PTPRB: variants seen among roughly 807,000 people sequenced by gnomAD.
The protein encoded by PTPRB is protein tyrosine phosphatase receptor type B.
In PTPRB, 97 loss-of-function variants were observed where a neutral mutation model predicts 238.1. The observed-to-expected ratio is 0.41, with a 90% CI of 0.35 to 0.48. The LOEUF is 0.48. Among genes scored for constraint, PTPRB ranks in the 20% least tolerant of loss-of-function variants. The pLI, the probability that PTPRB is intolerant of heterozygous loss-of-function variation, is 0.30. For missense variants in PTPRB, 2,292 were observed against 2,681.9 expected (o/e 0.85, Z 3.21); for synonymous variants, 970 against 995.4 (o/e 0.97, Z 0.48).
chr12:70,588,599 C>CTCCA (rs1471746991), intron 8 of PTPRB, among the ~76,000 whole-genome samples: 3 of 152,072 alleles, frequency 2.0e-5, no homozygotes, highest in Non-Finnish European at 4.4e-5. Flanking sequence ...TGCCATTGCA[C>CTCCA]TCCAGCCTGG....
At chr12:70,630,542 C>T (rs1008657396) in intron 2 of PTPRB, among the ~76,000 whole-genome samples, 17 of 152,230 alleles carry the variant, frequency 1.1e-4, no homozygotes, top group African/African-American at 3.1e-4. Context: ...CACTCCTATT[C>T]GACATAGTGT....
At chr12:70,534,375 G>A in intron 31 of PTPRB, 113 bp downstream of exon 31, 1 of 1,198,182 alleles carries the variant, frequency 8.3e-7, no homozygotes, top group Non-Finnish European at 1.2e-6. Context: ...CAGGCTGGTT[G>A]GTCCAGACAA....
At chr12:70,593,813 C>A (rs560005616) in intron 6 of PTPRB, among the ~76,000 whole-genome samples, 6 of 152,278 alleles carry the variant, frequency 3.9e-5, no homozygotes, top group African/African-American at 1.4e-4. Flanking sequence ...AGATTTAATT[C>A]ACACATTAGA....
At chr12:70,525,910 G>A (rs145603470) in intron 32 of PTPRB, among the ~76,000 whole-genome samples, 2 of 151,882 alleles carry the variant, frequency 1.3e-5, no homozygotes, top group African/African-American at 4.8e-5. Flanking sequence ...AACATCCTTT[G>A]TCTATTAAAG....
intron 14 of PTPRB, among the ~76,000 whole-genome samples, chr12:70,568,662 T>C (rs1370331318): frequency 1.3e-5 from 2 of 152,114 alleles, no homozygotes; most frequent in Non-Finnish European, 2.9e-5. Context: ...GATATAAATA[T>C]AGATATGAAA....
chr12:70,525,555 T>G (rs1300949131), intron 32 of PTPRB: 1 of 151,648 alleles, frequency 6.6e-6, no homozygotes, highest in African/African-American at 2.4e-5. Context: ...TGTTGGCTAT[T>G]TAAGAATTTA....
intron 32 of PTPRB, among the ~76,000 whole-genome samples, chr12:70,526,500 C>T (rs1441227328): frequency 2.0e-5 from 3 of 152,142 alleles, no homozygotes; most frequent in Non-Finnish European, 2.9e-5. Flanking sequence ...GCCACTGTAC[C>T]CAGCCTAGAA....
In PTPRB at chr12:70,520,050, C is replaced by A; in HGVS notation, c.*1439G>T. On this transcript the variant is annotated 3_prime_UTR_variant, in exon 34 of 34. Transcript: ENST00000334414. ...TTTGAAAAGAAATATACTCTTTATG[C>A]AAAGGAAGCTATGCCATCAACAAAC... is the stretch of plus-strand genomic sequence containing the variant. 6.1e-6 allele frequency: 2 copies of A among 325,414 alleles called. No individual in the cohort carries two copies. Among genetic ancestry groups the A allele is most frequent in the South Asian group, 2.5e-5 (1 of 39,588 alleles). 20.2% of individuals were successfully genotyped at this position (325,414 alleles called of 1,614,324 possible). A position where few individuals can be genotyped will look rare whatever the true frequency, so the allele number is the denominator to read the frequency against.
At chr12:70,553,920 G>A (rs77243281) in intron 20 of PTPRB, among the ~76,000 whole-genome samples, 1 of 152,286 alleles carries the variant, frequency 6.6e-6, no homozygotes, top group African/African-American at 2.4e-5. Context: ...TCATCTCCAT[G>A]GACATCAATA....
intron 27 of PTPRB, chr12:70,538,543 C>T (rs1874534946): frequency 1.6e-5 from 7 of 439,626 alleles, no homozygotes. Context: ...AACCTACCTT[C>T]TATTGCTTTA....
rs180962767 is a variant in PTPRB at position 70,559,498 on chromosome 12, G to A, written c.4559C>T (p.Ala1520Val). The A allele has an allele frequency of 6.2e-6, 10 of 1,613,970 alleles. No homozygotes were observed. Among genetic ancestry groups the A allele is most frequent in the African/African-American group, 1.3e-5 (1 of 75,038 alleles). Residue 1520 changes from alanine to valine, a missense_variant, in exon 18 of 34, where the codon GCA (alanine) becomes GTA (valine). Physicochemically the swap from Ala to Val is moderately conservative, Grantham distance 64 (BLOSUM62 0). Around this residue, in one of 4 missense-constraint regions of PTPRB, gnomAD observed 683 missense variants for 862.0 expected, o/e 0.79. Transcript: ENST00000334414. ...GTTGTAGGGGTTGAAGACAGTAAGT[G>A]CATCTCTGGGCAACCACTGCAGCTC... ...DFELQWLPRD[A>V]LTVFNPYNNR... is the part of the protein sequence containing the mutation.
intron 4 of PTPRB, among the ~76,000 whole-genome samples, chr12:70,600,756 C>T (rs1244689514): frequency 6.6e-6 from 1 of 152,150 alleles, no homozygotes; most frequent in Non-Finnish European, 1.5e-5. Flanking sequence ...AGTCCAGTGA[C>T]GTGATCATGG....
intron 10 of PTPRB, among the ~76,000 whole-genome samples, chr12:70,578,507 A>G (rs1881029161): frequency 6.6e-6 from 1 of 152,134 alleles, no homozygotes; most frequent in Non-Finnish European, 1.5e-5. Context: ...ATTTATTCAT[A>G]TTTGATTCTC....
chr12:70,602,044 C>T (rs953755350), intron 4 of PTPRB, among the ~76,000 whole-genome samples: 1 of 152,096 alleles, frequency 6.6e-6, no homozygotes, highest in Non-Finnish European at 1.5e-5. Context: ...ATCTGCCCAC[C>T]TCGGCCTCCC....
rs1217366771 is a variant in PTPRB at position 70,516,488 on chromosome 12, G to C, written c.*5001C>G. Reference sequence around the variant, plus strand: ...AGACTAGGACATTCCACAAAGGCTGGTACAGGCTTTCCTACTAACCTGCAG... The same window carrying C: ...AGACTAGGACATTCCACAAAGGCTGCTACAGGCTTTCCTACTAACCTGCAG... On this transcript the variant is annotated 3_prime_UTR_variant, in exon 34 of 34. Coordinates refer to ENST00000334414, the MANE Select transcript of PTPRB (RefSeq NM_001109754.4). 6.6e-6 allele frequency: 1 copy of C among 152,158 alleles called. No homozygotes were observed. Among genetic ancestry groups the C allele is most frequent in the African/African-American group, 2.4e-5 (1 of 41,436 alleles). 9.4% of individuals were successfully genotyped at this position (152,158 alleles called of 1,614,324 possible).
At chr12:70,546,411 C>T (rs558164019) in intron 21 of PTPRB, among the ~76,000 whole-genome samples, 1 of 152,096 alleles carries the variant, frequency 6.6e-6, no homozygotes, top group African/African-American at 2.4e-5. Context: ...AGCCTGTGAT[C>T]CCTATCATAG....
chr12:70,580,896 G>T, intron 10 of PTPRB, 140 bp downstream of exon 10: 2 of 876,712 alleles, frequency 2.3e-6, no homozygotes, highest in Non-Finnish European at 3.4e-6. Flanking sequence ...ATACCTTCTG[G>T]ATGGCTAGCT....
chr12:70,547,963 A>C (rs542533857), intron 21 of PTPRB, among the ~76,000 whole-genome samples: 1 of 152,270 alleles, frequency 6.6e-6, no homozygotes, highest in African/African-American at 2.4e-5. Context: ...ACGAAAACTG[A>C]ACTTCATATT....
At chr12:70,557,783 T>A (rs1259535852) in intron 18 of PTPRB, among the ~76,000 whole-genome samples, 1 of 152,172 alleles carries the variant, frequency 6.6e-6, no homozygotes, top group African/African-American at 2.4e-5. Context: ...TGTTGCAAGC[T>A]CAATGTATGC....
Sources: gnomAD v4.1 joint callset for allele counts (sites outside exome capture counted in the v4.1 genomes callset) on GRCh38, gnomAD v4.1.1 for gene constraint, gnomAD v4.1.1 regional missense constraint, MANE v1.5 for transcripts, NCBI Gene and HGNC (gene_info 2026-07-23, HGNC 2026-07-21) for gene names.